Variants in GRID2 observed in about 807,000 individuals in gnomAD.
The protein encoded by GRID2 is glutamate ionotropic receptor delta type subunit 2, also known as glutamate receptor ionotropic, delta-2.
In GRID2, 33 loss-of-function variants were observed where a neutral mutation model predicts 114.8. That is an observed-to-expected ratio of 0.29 (90% CI 0.22 to 0.38). The LOEUF (loss-of-function observed/expected upper bound fraction) is 0.38. GRID2 is among the 10% of genes least tolerant of loss of function. GRID2 has a pLI of 1.00. For synonymous variants in GRID2, 505 were observed against 449.9 expected (o/e 1.12, Z -1.55); for missense variants, 1,184 against 1,257.7 (o/e 0.94, Z 0.89).
chr4:93,009,932 AG>A (rs1334977228), intron 2 of GRID2, among the ~76,000 whole-genome samples: 1 of 151,938 alleles, frequency 6.6e-6, no homozygotes, highest in Non-Finnish European at 1.5e-5. Context: ...AGTTTTCCCT[AG>A]GGCTCCCTGC....
intron 8 of GRID2, among the ~76,000 whole-genome samples, chr4:93,246,891 GA>G: frequency 6.6e-6 from 1 of 152,254 alleles, no homozygotes; most frequent in East Asian, 1.9e-4. Context: ...ATATTCTGTG[GA>G]CCAAATTGTT....
chr4:93,358,891 T>C (rs1268008592), intron 8 of GRID2, among the ~76,000 whole-genome samples: 1 of 152,148 alleles, frequency 6.6e-6, no homozygotes, highest in African/African-American at 2.4e-5. Flanking sequence ...AAGTCTGTTT[T>C]TATTGGCTGT....
chr4:93,514,271 G>C (rs1729476134), intron 12 of GRID2, among the ~76,000 whole-genome samples: 1 of 152,040 alleles, frequency 6.6e-6, no homozygotes, highest in Admixed American at 6.6e-5. Context: ...CACCAATTTA[G>C]AGATAGATAA....
chr4:93,163,399 T>TATATATATAC, intron 4 of GRID2, among the ~76,000 whole-genome samples: 14 of 49,136 alleles, frequency 2.8e-4, no homozygotes, highest in Non-Finnish European at 3.6e-4. Context: ...TATATATATA[T>TATATATATAC]ACACTATATA....
intron 1 of GRID2, among the ~76,000 whole-genome samples, chr4:92,362,994 C>G (rs1472277253): frequency 2.7e-5 from 4 of 146,776 alleles, no homozygotes; most frequent in Non-Finnish European, 5.9e-5. Flanking sequence ...ATATTCCCTT[C>G]TTCAGAAGAG....
chr4:93,759,324 G>A (rs1367641005), intron 14 of GRID2, among the ~76,000 whole-genome samples: 1 of 151,924 alleles, frequency 6.6e-6, no homozygotes, highest in East Asian at 1.9e-4. Context: ...AATTTGAATG[G>A]GCACCATATA....
chr4:92,678,492 A>C (rs1436208978), intron 2 of GRID2, among the ~76,000 whole-genome samples: 2 of 152,100 alleles, frequency 1.3e-5, no homozygotes, highest in Non-Finnish European at 2.9e-5. Flanking sequence ...TCAAAGTCTG[A>C]AGTAATTCAA....
chr4:93,228,715 A>T (rs566144165), intron 7 of GRID2, among the ~76,000 whole-genome samples: 35 of 152,300 alleles, frequency 2.3e-4, no homozygotes, highest in African/African-American at 8.4e-4. Context: ...GTTGTTGAAC[A>T]TGATTCTAAT....
intron 4 of GRID2, among the ~76,000 whole-genome samples, chr4:93,112,947 C>G (rs998910990): frequency 1.3e-5 from 2 of 152,020 alleles, no homozygotes; most frequent in African/African-American, 4.8e-5. Context: ...ATTTGATTAC[C>G]TCTGTAAAGA....
intron 14 of GRID2, among the ~76,000 whole-genome samples, chr4:93,748,019 T>A (rs1171346014): frequency 6.6e-6 from 1 of 152,120 alleles, no homozygotes; most frequent in Non-Finnish European, 1.5e-5. Flanking sequence ...TGCCCTTGGA[T>A]ATATAACATC....
chr4:92,687,645 C>T (rs529126607), intron 2 of GRID2, among the ~76,000 whole-genome samples: 56 of 152,034 alleles, frequency 3.7e-4, no homozygotes, highest in Non-Finnish European at 5.0e-4. Context: ...CTGGCTAACA[C>T]GGTGAAACCC....
intron 13 of GRID2, among the ~76,000 whole-genome samples, chr4:93,590,529 G>A (rs910817951): frequency 1.3e-5 from 2 of 151,344 alleles, no homozygotes; most frequent in Non-Finnish European, 3.0e-5. Context: ...GATTGACTTG[G>A]CGATGCGGGC....
intron 2 of GRID2, among the ~76,000 whole-genome samples, chr4:92,752,588 T>C (rs1157388369): frequency 6.6e-6 from 1 of 152,206 alleles, no homozygotes; most frequent in African/African-American, 2.4e-5. Flanking sequence ...GTAATACATT[T>C]AATATATTTT....
intron 2 of GRID2, among the ~76,000 whole-genome samples, chr4:92,950,898 G>A (rs1004563366): frequency 1.1e-4 from 16 of 152,046 alleles, no homozygotes; most frequent in African/African-American, 3.9e-4. Context: ...CTGTAGCTTT[G>A]AAAATTACTT....
chr4:92,812,123 T>C (rs1740690970), intron 2 of GRID2, among the ~76,000 whole-genome samples: 2 of 152,184 alleles, frequency 1.3e-5, no homozygotes, highest in African/African-American at 4.8e-5. Context: ...ACATTGTTTT[T>C]AGCAATAGCT....
intron 13 of GRID2, among the ~76,000 whole-genome samples, chr4:93,600,650 T>C (rs1247481733): frequency 9.9e-5 from 15 of 152,196 alleles, no homozygotes; most frequent in Admixed American, 9.8e-4. Flanking sequence ...TGGAAATCTG[T>C]TTAGCAGTTT....
At chr4:93,400,128 C>T (rs1765731997) in intron 9 of GRID2, among the ~76,000 whole-genome samples, 1 of 151,984 alleles carries the variant, frequency 6.6e-6, no homozygotes, top group Non-Finnish European at 1.5e-5. Context: ...ATGTCCTTAG[C>T]CACTCTGATA....
At chr4:93,139,115 GA>G (rs980589346) in intron 4 of GRID2, among the ~76,000 whole-genome samples, 1 of 152,206 alleles carries the variant, frequency 6.6e-6, no homozygotes, top group Non-Finnish European at 1.5e-5. Flanking sequence ...ATACCACAGT[GA>G]ATCTGTTTAC....
intron 1 of GRID2, among the ~76,000 whole-genome samples, chr4:92,460,055 C>CGTATATATATAT (rs1553937299): frequency 2.7e-5 from 1 of 37,456 alleles, no homozygotes; most frequent in African/African-American, 8.7e-5. Flanking sequence ...TATATATATA[C>CGTATATATATAT]ACACACAACT....
Sources: gnomAD v4.1 joint callset for allele counts (sites outside exome capture counted in the v4.1 genomes callset) on GRCh38, gnomAD v4.1.1 for gene constraint, MANE v1.5 for transcripts, NCBI Gene and HGNC (gene_info 2026-07-23, HGNC 2026-07-21) for gene names.